CDH2: variants seen among roughly 807,000 people sequenced by gnomAD.
The protein encoded by CDH2 is cadherin 2.
Under a neutral mutation model 92.0 loss-of-function variants are expected in CDH2, and 17 were observed. The observed-to-expected ratio is 0.18, with a 90% CI of 0.13 to 0.28. The LOEUF is 0.28. CDH2 is among the 10% of genes least tolerant of loss of function. CDH2 has a pLI of 1.00. For missense variants in CDH2, 862 were observed against 1,133.1 expected (o/e 0.76, Z 3.44); for synonymous variants, 419 against 415.9 (o/e 1.01, Z -0.09).
intron 2 of CDH2, among the ~76,000 whole-genome samples, chr18:28,098,834 TA>T (rs2015180419): frequency 6.6e-6 from 1 of 152,156 alleles, no homozygotes; most frequent in South Asian, 2.1e-4. Context: ...AATTTTTTGC[TA>T]CTCTTCATGT....
At chr18:27,994,246 G>A (rs2012513215) in intron 7 of CDH2, among the ~76,000 whole-genome samples, 1 of 152,164 alleles carries the variant, frequency 6.6e-6, no homozygotes, top group South Asian at 2.1e-4. Context: ...TATTTCCATA[G>A]TCTTCTAACA....
chr18:28,044,235 A>T (rs1482696889), intron 2 of CDH2, among the ~76,000 whole-genome samples: 1 of 152,106 alleles, frequency 6.6e-6, no homozygotes, highest in African/African-American at 2.4e-5. Context: ...ATTTGAACAG[A>T]GGTAAATAAA....
At chr18:27,987,475 T>C (rs867444181) in intron 11 of CDH2, among the ~76,000 whole-genome samples, 5 of 152,208 alleles carry the variant, frequency 3.3e-5, no homozygotes, top group African/African-American at 4.8e-5. Context: ...TCTTAAAGTA[T>C]TGATATGTCT....
At chr18:27,994,393 G>A (rs1376325393) in intron 7 of CDH2, among the ~76,000 whole-genome samples, 1 of 152,116 alleles carries the variant, frequency 6.6e-6, no homozygotes, top group Non-Finnish European at 1.5e-5. Context: ...TTATTAGACA[G>A]GCATCCACTA....
chr18:27,962,624 T>G (rs887448575), intron 15 of CDH2, among the ~76,000 whole-genome samples: 2 of 152,194 alleles, frequency 1.3e-5, no homozygotes, highest in Non-Finnish European at 2.9e-5. Flanking sequence ...AACATCAATA[T>G]GTAGTGTTCT....
At chr18:28,149,061 T>C (rs928265222) in intron 1 of CDH2, among the ~76,000 whole-genome samples, 4 of 152,160 alleles carry the variant, frequency 2.6e-5, no homozygotes, top group Admixed American at 6.5e-5. Flanking sequence ...AAGGGCTGTA[T>C]CAAGTGAAGA....
intron 6 of CDH2, among the ~76,000 whole-genome samples, chr18:27,935,608 T>G (rs1412668929): frequency 1.3e-5 from 2 of 152,004 alleles, no homozygotes; most frequent in African/African-American, 4.8e-5. Flanking sequence ...CCAGTAGAAT[T>G]GGGTCCATTC....
At chr18:27,967,576 C>G (rs1360615894) in intron 14 of CDH2, among the ~76,000 whole-genome samples, 1 of 152,300 alleles carries the variant, frequency 6.6e-6, no homozygotes, top group South Asian at 2.1e-4. Context: ...GATTGCCAAC[C>G]TTTACAATGT....
At chr18:28,047,614 ATC>A (rs2014102583) in intron 2 of CDH2, among the ~76,000 whole-genome samples, 1 of 152,074 alleles carries the variant, frequency 6.6e-6, no homozygotes, top group Admixed American at 6.5e-5. Flanking sequence ...CACGCCTGTA[ATC>A]CCGGCACTTT....
chr18:27,949,591 C>T (rs1365608330), downstream of CDH2, among the ~76,000 whole-genome samples: 6 of 151,814 alleles, frequency 4.0e-5, no homozygotes, highest in Admixed American at 6.6e-5. Context: ...AGGCAACTTA[C>T]AGAATAATAC....
At chr18:28,009,573 T>G (rs2013036361) in intron 5 of CDH2, 144 bp downstream of exon 5, 1 of 568,350 alleles carries the variant, frequency 1.8e-6, no homozygotes, top group African/African-American at 1.9e-5. Context: ...ACAATAACAT[T>G]ATTAAAATAA....
chr18:28,124,618 G>T (rs28365312), intron 2 of CDH2, among the ~76,000 whole-genome samples: 1 of 152,056 alleles, frequency 6.6e-6, no homozygotes, highest in Non-Finnish European at 1.5e-5. Flanking sequence ...CTACTACTTC[G>T]ATATCTTGGT....
rs546833336 is a variant in CDH2, at chr18:27,957,676, G to GTAAC, written c.2515-5321_2515-5318dup. Among the ~76,000 whole-genome samples, 96 of 152,208 alleles carry GTAAC rather than the reference G, an allele frequency of 6.3e-4. 2 individuals carry two copies. The East Asian group carries it at 0.017, about 28-fold the overall frequency. ...TGACATTCAACAGGTATTCTATAAG[G>GTAAC]TAACTATGCATTGTTGTCCTGGGCG... On this transcript the variant is annotated intron_variant, in intron 15 of 15. Transcript: ENST00000269141.
intron 2 of CDH2, among the ~76,000 whole-genome samples, chr18:28,125,291 T>A (rs1276638387): frequency 6.6e-6 from 1 of 152,132 alleles, no homozygotes; most frequent in Non-Finnish European, 1.5e-5. Context: ...TACCCAATAT[T>A]TACAAAGTAC....
At chr18:28,156,251 A>G (rs917096863) in intron 1 of CDH2, among the ~76,000 whole-genome samples, 3 of 152,220 alleles carry the variant, frequency 2.0e-5, no homozygotes, top group African/African-American at 4.8e-5. Flanking sequence ...AAGGACAAAG[A>G]GAATAGGCAA....
downstream of CDH2, among the ~76,000 whole-genome samples, chr18:27,947,477 A>G (rs930611750): frequency 5.9e-5 from 9 of 151,872 alleles, no homozygotes; most frequent in Non-Finnish European, 1.0e-4. Flanking sequence ...AAATAATTCT[A>G]CAATTTATGC....
At chr18:27,949,135 C>T (rs969103425), downstream of CDH2, among the ~76,000 whole-genome samples, 1 of 151,794 alleles carries the variant, frequency 6.6e-6, no homozygotes, top group Admixed American at 6.6e-5. Flanking sequence ...AGCTAACTTC[C>T]AAAGAAAAAA....
intron 6 of CDH2, among the ~76,000 whole-genome samples, chr18:27,936,361 A>G (rs1173609080): frequency 6.6e-6 from 1 of 152,184 alleles, no homozygotes; most frequent in African/African-American, 2.4e-5. Context: ...TCTGGGACAC[A>G]AATGCAGGGC....
Position 28,003,115 on chromosome 18 carries a change from T to C in CDH2, c.902A>G (p.Asn301Ser), listed in dbSNP as rs374009883. The C allele has an allele frequency of 6.8e-6, 11 of 1,612,922 alleles. No homozygotes were observed. In the African/African-American group the frequency reaches 8.0e-5, roughly 12 times the overall value. ...AIDADDPNAL[N>S]GMLRYRIVSQ... is the part of the protein sequence containing the mutation. Reference sequence around the variant, plus strand: ...CACGATTCTGTACCTCAACATCCCATTGAGGGCATTGGGATCGTCAGCATC... The same window carrying C: ...CACGATTCTGTACCTCAACATCCCACTGAGGGCATTGGGATCGTCAGCATC... The change falls in exon 7 of 16, where the codon AAT (asparagine) becomes AGT (serine). Residue 301 changes from asparagine (N) to serine (S), a missense_variant. Physicochemically the swap from Asn to Ser is conservative, Grantham distance 46. This residue lies in a region of CDH2 where 564 missense variants were observed against 722.2 expected (regional missense o/e 0.78). Coordinates refer to ENST00000269141, the MANE Select transcript of CDH2 (RefSeq NM_001792.5).
Sources: allele counts gnomAD v4.1 joint callset (sites outside exome capture counted in the v4.1 genomes callset), GRCh38; gene constraint gnomAD v4.1.1; regional missense constraint gnomAD v4.1.1; transcripts MANE v1.5; gene names NCBI Gene and HGNC (gene_info 2026-07-23, HGNC 2026-07-21).